Variants in VIRMA observed in about 807,000 individuals in gnomAD.
VIRMA encodes the protein protein virilizer homolog.
A neutral mutation model predicts 182.4 loss-of-function variants in VIRMA; 65 were observed. The observed-to-expected ratio is 0.36, with a 90% confidence interval of 0.29 to 0.44. VIRMA has a LOEUF of 0.44. VIRMA is among the 20% of genes least tolerant of loss of function. The pLI, the probability that VIRMA is intolerant of heterozygous loss-of-function variation, is 1.00. For synonymous variants in VIRMA, 709 were observed against 743.1 expected (o/e 0.95, Z 0.75); for missense variants, 1,752 against 2,158.1 (o/e 0.81, Z 3.73).
At chr8:94,523,239 T>C (rs2130340078) in intron 8 of VIRMA, among the ~76,000 whole-genome samples, 1 of 152,334 alleles carries the variant, frequency 6.6e-6, no homozygotes, top group East Asian at 1.9e-4. Context: ...TGTTATTGTT[T>C]ACTCCTACAT....
At position 94,526,913 on chromosome 8, in the gene VIRMA, G is replaced by A. The variant is rs540719692; in HGVS notation, c.1331C>T (p.Ala444Val). ...WTMQALNLQVALRQPIALNVR... is the reference protein window; with the variant it reads ...WTMQALNLQVVLRQPIALNVR... ...ATTTAAGGCGATAGGTTGGCGAAGC[G>A]CTACTTGTAAATTTAAAGCTTGCAT... Residue 444 changes from alanine (A) to valine (V), a missense_variant, in exon 8 of 24, where the codon GCG (alanine) becomes GTG (valine). This residue lies in a region of VIRMA where 401 missense variants were observed against 455.1 expected (regional missense o/e 0.88). Coordinates refer to ENST00000297591, the MANE Select transcript of VIRMA (RefSeq NM_015496.5). 14 of 1,614,146 alleles carry A rather than the reference G, an allele frequency of 8.7e-6. No homozygotes were observed. Among genetic ancestry groups the A allele is most frequent in the South Asian group, 2.2e-5 (2 of 91,078 alleles).
rs149796798 is a variant in VIRMA at position 94,493,914 on chromosome 8, C to T, written c.4641+946G>A. On this transcript the variant is annotated intron_variant, in intron 20 of 23. Transcript: ENST00000297591. ...AATAAATTTTAAATAGTTAATTATA[C>T]TCTTACCTATTCAGCATTATGTTTA... 1.8e-3 allele frequency among the ~76,000 whole-genome samples: 268 copies of T among 152,312 alleles called. 1 individual carries two copies. The highest frequency in any genetic ancestry group is 2.2e-3 in the Non-Finnish European group (148 of 68,034).
intron 22 of VIRMA, among the ~76,000 whole-genome samples, chr8:94,490,965 A>C (rs1235444551): frequency 6.6e-6 from 1 of 152,062 alleles, no homozygotes; most frequent in Non-Finnish European, 1.5e-5. Context: ...TGTTAAGTAT[A>C]ATTGTGAAAA....
At position 94,527,417 on chromosome 8, in the gene VIRMA, T is replaced by G. The variant is rs548657578; in HGVS notation, c.881-54A>C. 3 of 1,071,160 alleles carry G rather than the reference T, an allele frequency of 2.8e-6. No homozygotes were observed. The South Asian group carries it at 6.2e-5, about 22-fold the overall frequency. 66.4% of individuals were successfully genotyped at this position (1,071,160 alleles called of 1,614,324 possible). On this transcript the variant is annotated intron_variant, in intron 7 of 23. Coordinates refer to ENST00000297591, the MANE Select transcript of VIRMA (RefSeq NM_015496.5). Reference sequence around the variant, plus strand: ...TATTACATCATCTTTGTCTAATACATAAATTCTGATTGAACAAGAAATAGT... The same window carrying G: ...TATTACATCATCTTTGTCTAATACAGAAATTCTGATTGAACAAGAAATAGT...
intron 13 of VIRMA, 94 bp downstream of exon 13, chr8:94,511,091 G>A: frequency 6.7e-7 from 1 of 1,496,864 alleles, no homozygotes; most frequent in Non-Finnish European, 8.9e-7. Flanking sequence ...GGGAGGAAGG[G>A]AGATGAGGGT....
chr8:94,505,400 C>T (rs939977555), intron 16 of VIRMA, among the ~76,000 whole-genome samples: 4 of 152,094 alleles, frequency 2.6e-5, no homozygotes, highest in African/African-American at 9.7e-5. Flanking sequence ...CAAATAAAAA[C>T]ATCAGGGCAT....
chr8:94,495,665 C>T lies in VIRMA; in HGVS notation c.4544+66G>A, dbSNP rs564021786. On this transcript the variant is annotated intron_variant, in intron 19 of 23. Transcript: ENST00000297591. ...CTTTATAGAAAAAAACGTTTGCTGG[C>T]ACCCCCTAGACTACAGCCATTTTAA... is the stretch of plus-strand genomic sequence containing the variant. 2.5e-4 allele frequency: 340 copies of T among 1,377,026 alleles called. 6 individuals are homozygous for T. The South Asian group carries it at 4.3e-3, about 18-fold the overall frequency. 85.3% of individuals were successfully genotyped at this position (1,377,026 alleles called of 1,614,324 possible). A position where few individuals can be genotyped will look rare whatever the true frequency, so the allele number is the denominator to read the frequency against.
At position 94,505,929 on chromosome 8, in the gene VIRMA, CAA is replaced by C. The variant is rs1236880650; in HGVS notation, c.4097+569_4097+570del. 2.0e-5 allele frequency among the ~76,000 whole-genome samples: 3 copies of C among 151,886 alleles called. No homozygotes were observed. The East Asian group carries it at 5.8e-4, about 29-fold the overall frequency. On this transcript the variant is annotated intron_variant, in intron 16 of 23. Coordinates refer to ENST00000297591, the MANE Select transcript of VIRMA (RefSeq NM_015496.5). Reference sequence around the variant, plus strand: ...GAAAATATTATAAATAAATAAATAACAATATGAATAAAAAAATACAAATTTTA... The same window carrying C: ...GAAAATATTATAAATAAATAAATAACTATGAATAAAAAAATACAAATTTTA...
At chr8:94,544,828 C>T (rs953758016) in intron 1 of VIRMA, among the ~76,000 whole-genome samples, 2 of 151,892 alleles carry the variant, frequency 1.3e-5, no homozygotes, top group Non-Finnish European at 2.9e-5. Context: ...CAAATCTGTA[C>T]TTAGATCAGC....
At chr8:94,510,051 T>G (rs1586078343) in intron 14 of VIRMA, 111 bp from the exon 15 acceptor site, 1 of 960,906 alleles carries the variant, frequency 1.0e-6, no homozygotes, top group African/African-American at 1.7e-5. Context: ...GCATAAAACA[T>G]TTAATTCCTT....
At position 94,526,562 on chromosome 8, in the gene VIRMA, T is replaced by C; in HGVS notation, c.1682A>G (p.Glu561Gly). 1.9e-6 allele frequency: 3 copies of C among 1,613,702 alleles called. No homozygotes were observed. Among genetic ancestry groups the C allele is most frequent in the Non-Finnish European group, 2.5e-6 (3 of 1,179,938 alleles). Residue 561 changes from glutamate (E) to glycine (G), a missense_variant, in exon 8 of 24, where the codon GAA (glutamate) becomes GGA (glycine). This residue lies in a region of VIRMA where 401 missense variants were observed against 455.1 expected (regional missense o/e 0.88). Coordinates refer to ENST00000297591, the MANE Select transcript of VIRMA (RefSeq NM_015496.5). The stretch of plus-strand genomic sequence containing the variant: ...AAGTCTTTTAATCTCTGACAAGACT[T>C]CATAGAAATGGCATTTTTGGAGAAT... ...SAILQKCHFYEVLSEIKRLGD... is the reference protein window; with the variant it reads ...SAILQKCHFYGVLSEIKRLGD...
intron 21 of VIRMA, 68 bp downstream of exon 21, chr8:94,492,584 C>T (rs1813642181): frequency 6.9e-7 from 1 of 1,456,490 alleles, no homozygotes; most frequent in Non-Finnish European, 9.5e-7. Flanking sequence ...ATGTGTCTAT[C>T]TTAAAATATA....
intron 16 of VIRMA, among the ~76,000 whole-genome samples, chr8:94,500,297 G>T (rs1426789976): frequency 6.6e-6 from 1 of 152,172 alleles, no homozygotes; most frequent in East Asian, 1.9e-4. Context: ...TACTGGGGAG[G>T]CTGAGGCAGG....
intron 3 of VIRMA, among the ~76,000 whole-genome samples, chr8:94,537,775 G>A (rs1815391850): frequency 6.6e-6 from 1 of 151,520 alleles, no homozygotes; most frequent in Non-Finnish European, 1.5e-5. Context: ...ACAACAACAG[G>A]TTTAATAATA....
Position 94,534,873 on chromosome 8 carries a change from C to A in VIRMA, c.450G>T (p.Gln150His). ...GATTCCTTTTCAAACTTGGTTGTGG[C>A]TGGGGAGGTGGTGGCGGTGGAGGTG... ...PPPPPPPPPP[Q>H]PQPSLKRNPK... Residue 150 changes from glutamine to histidine, a missense_variant, in exon 5 of 24, where the codon CAG (glutamine) becomes CAT (histidine). Gln to His is a conservative substitution (Grantham distance 24). Coordinates refer to ENST00000297591, the MANE Select transcript of VIRMA (RefSeq NM_015496.5). The A allele has an allele frequency of 6.3e-7, 1 of 1,597,540 alleles. No homozygotes were observed. Among genetic ancestry groups the A allele is most frequent in the Non-Finnish European group, 8.5e-7 (1 of 1,171,806 alleles).
At position 94,529,277 on chromosome 8, in the gene VIRMA, G is replaced by A. The variant is rs1168514993; in HGVS notation, c.673C>T (p.Arg225Trp). ...TGCCCTTCCTGGGGAACAGAATTCCGATCAGGAGAAATGGGCTCAAAGTAA... is the reference window on the plus strand; with the variant it reads ...TGCCCTTCCTGGGGAACAGAATTCCAATCAGGAGAAATGGGCTCAAAGTAA... ...EDYFEPISPD[R>W]NSVPQEGQYS... Residue 225 changes from arginine (R) to tryptophan (W), a missense_variant, in exon 7 of 24, where the codon CGG becomes TGG. By Grantham distance (101) the Arg-to-Trp change is moderately radical. This residue lies in a region of VIRMA where 114 missense variants were observed against 106.9 expected (regional missense o/e 1.07). Transcript: ENST00000297591. 2 of 1,612,486 alleles carry A rather than the reference G, an allele frequency of 1.2e-6. No individual in the cohort carries two copies. The highest frequency in any genetic ancestry group is 1.3e-5 in the African/African-American group (1 of 74,816).
rs1375459274 is a variant in VIRMA, at chr8:94,538,248, G to GC, written c.266+11dup. On this transcript the variant is annotated intron_variant, in intron 3 of 23. Transcript: ENST00000297591. ...CATGAGTTTCTGGTGAAATTACCTA[G>GC]CAGGTACATACCTTCCCAACCTATC... 1 of 1,567,806 alleles carries GC rather than the reference G, an allele frequency of 6.4e-7. No individual in the cohort carries two copies. Among genetic ancestry groups the GC allele is most frequent in the Non-Finnish European group, 8.8e-7 (1 of 1,139,044 alleles).
At chr8:94,525,679 TCAAAA>T (rs771031544) in intron 8 of VIRMA, among the ~76,000 whole-genome samples, 3 of 152,074 alleles carry the variant, frequency 2.0e-5, no homozygotes, top group Non-Finnish European at 4.4e-5. Context: ...AAAGAAAGTC[TCAAAA>T]CAAAATAAAA....
chr8:94,493,079 T>G (rs1459510752), intron 20 of VIRMA, among the ~76,000 whole-genome samples: 1 of 152,220 alleles, frequency 6.6e-6, no homozygotes, highest in Non-Finnish European at 1.5e-5. Flanking sequence ...CTTTGATGCC[T>G]GAGCAGGAAA....
Sources: gnomAD v4.1 joint callset for allele counts (sites outside exome capture counted in the v4.1 genomes callset) on GRCh38, gnomAD v4.1.1 for gene constraint, gnomAD v4.1.1 regional missense constraint, MANE v1.5 for transcripts, NCBI Gene and HGNC (gene_info 2026-07-23, HGNC 2026-07-21) for gene names.